Variants in MACROD2 observed in about 807,000 individuals in gnomAD.
The protein encoded by MACROD2 is ADP-ribose glycohydrolase MACROD2.
A neutral mutation model predicts 70.4 loss-of-function variants in MACROD2; 36 were observed. The observed-to-expected ratio is 0.51, with a 90% CI of 0.39 to 0.68. MACROD2 has a LOEUF of 0.68. MACROD2 is among the 30% of genes least tolerant of loss of function. The pLI, the probability that MACROD2 is intolerant of heterozygous loss-of-function variation, is 0.00. For synonymous variants in MACROD2, 172 were observed against 178.8 expected (o/e 0.96, Z 0.30); for missense variants, 496 against 538.4 (o/e 0.92, Z 0.78).
chr20:15,333,209 T>G (rs912584779), intron 6 of MACROD2, among the ~76,000 whole-genome samples: 1 of 151,556 alleles, frequency 6.6e-6, no homozygotes, highest in Non-Finnish European at 1.5e-5. Context: ...CCAAGCCCAG[T>G]GCATGAGAAA....
chr20:14,890,779 T>TG (rs1338686343), intron 5 of MACROD2, among the ~76,000 whole-genome samples: 2 of 27,274 alleles, frequency 7.3e-5, no homozygotes, highest in East Asian at 0.011. Flanking sequence ...ATAATAAAAA[T>TG]TAAAAAAAAA....
intron 6 of MACROD2, among the ~76,000 whole-genome samples, chr20:15,405,695 C>G (rs945379878): frequency 6.6e-6 from 1 of 152,194 alleles, no homozygotes; most frequent in Non-Finnish European, 1.5e-5. Context: ...CAGATTTTAG[C>G]TCACGTGCCA....
At chr20:15,105,744 G>C (rs1411270903) in intron 5 of MACROD2, among the ~76,000 whole-genome samples, 1 of 152,080 alleles carries the variant, frequency 6.6e-6, no homozygotes, top group Non-Finnish European at 1.5e-5. Context: ...GCAGAAAGGG[G>C]TTGCCTACCC....
At chr20:15,910,346 G>A (rs867767358) in intron 10 of MACROD2, among the ~76,000 whole-genome samples, 1 of 152,124 alleles carries the variant, frequency 6.6e-6, no homozygotes, top group African/African-American at 2.4e-5. Context: ...TGTGTCATCA[G>A]AGAAGTAATG....
chr20:15,100,967 G>GA (rs1163487263), intron 5 of MACROD2, among the ~76,000 whole-genome samples: 8 of 151,910 alleles, frequency 5.3e-5, no homozygotes, highest in Admixed American at 2.0e-4. Context: ...AGGTGAACAG[G>GA]AAAAAAAGTA....
chr20:15,583,924 C>A (rs780668189), intron 8 of MACROD2, among the ~76,000 whole-genome samples: 13 of 152,258 alleles, frequency 8.5e-5, no homozygotes, highest in South Asian at 2.1e-4. Context: ...CAGGCGTAAG[C>A]CACAACACCC....
intron 5 of MACROD2, among the ~76,000 whole-genome samples, chr20:15,125,707 A>G (rs765935059): frequency 3.9e-5 from 6 of 152,114 alleles, no homozygotes; most frequent in Non-Finnish European, 7.4e-5. Flanking sequence ...TAATTTACAT[A>G]TAGTAATACT....
intron 5 of MACROD2, among the ~76,000 whole-genome samples, chr20:15,144,533 T>C (rs778918931): frequency 3.9e-5 from 6 of 152,304 alleles, no homozygotes; most frequent in Middle Eastern, 3.4e-3. Context: ...GTTGAACTGA[T>C]TAAGTTTCTC....
At chr20:14,928,845 C>A (rs1285163164) in intron 5 of MACROD2, among the ~76,000 whole-genome samples, 1 of 152,148 alleles carries the variant, frequency 6.6e-6, no homozygotes, top group East Asian at 1.9e-4. Flanking sequence ...ATAAATGACA[C>A]CAACATTATT....
chr20:15,728,682 G>A (rs2050899733), intron 8 of MACROD2, among the ~76,000 whole-genome samples: 1 of 152,118 alleles, frequency 6.6e-6, no homozygotes, highest in South Asian at 2.1e-4. Context: ...TACTTTGTGT[G>A]CATAGAGGTG....
intron 6 of MACROD2, among the ~76,000 whole-genome samples, chr20:15,417,752 T>C (rs990446167): frequency 2.6e-5 from 4 of 151,986 alleles, no homozygotes; most frequent in Non-Finnish European, 5.9e-5. Context: ...AACTGGTAGT[T>C]AGGCCCTCCA....
intron 3 of MACROD2, among the ~76,000 whole-genome samples, chr20:14,142,910 T>C (rs2054896118): frequency 6.6e-6 from 1 of 152,184 alleles, no homozygotes; most frequent in Non-Finnish European, 1.5e-5. Flanking sequence ...GTAGTAAGAA[T>C]TATGAAAAGA....
At chr20:15,469,490 G>A (rs554726479) in intron 7 of MACROD2, among the ~76,000 whole-genome samples, 17 of 152,178 alleles carry the variant, frequency 1.1e-4, no homozygotes, top group Non-Finnish European at 2.5e-4. Context: ...CCACAAAGAT[G>A]ATGGAGCTTA....
In MACROD2 at chr20:14,990,429, T is replaced by C. The variant is rs142113368; in HGVS notation, c.419-239511T>C. 6.5e-3 allele frequency among the ~76,000 whole-genome samples: 991 copies of C among 152,012 alleles called. 3 individuals are homozygous for C. Among genetic ancestry groups the C allele is most frequent in the Middle Eastern group, 0.017 (5 of 292 alleles). ...TCAACTCCACCAGGACCTGAGGTCT[T>C]TGCTTAAATAACCCCACATAAGGCC... is the stretch of plus-strand genomic sequence containing the variant. On this transcript the variant is annotated intron_variant, in intron 5 of 17. Coordinates refer to ENST00000684519, the MANE Select transcript of MACROD2 (RefSeq NM_001351661.2).
intron 5 of MACROD2, among the ~76,000 whole-genome samples, chr20:14,763,840 A>G (rs897978689): frequency 3.3e-5 from 5 of 152,082 alleles, no homozygotes; most frequent in African/African-American, 7.3e-5. Flanking sequence ...CTTGGGGGAA[A>G]GATCACAATA....
intron 8 of MACROD2, among the ~76,000 whole-genome samples, chr20:15,791,262 T>C (rs1403880469): frequency 6.6e-6 from 1 of 152,004 alleles, no homozygotes; most frequent in Non-Finnish European, 1.5e-5. Flanking sequence ...TTTGGAATAT[T>C]TTAAATGGTC....
intron 15 of MACROD2, among the ~76,000 whole-genome samples, chr20:16,001,428 T>C (rs1186701929): frequency 6.6e-6 from 1 of 152,244 alleles, no homozygotes; most frequent in African/African-American, 2.4e-5. Flanking sequence ...GGATTGATTG[T>C]ATGTGATTGC....
chr20:15,042,586 G>A (rs889375763), intron 5 of MACROD2, among the ~76,000 whole-genome samples: 12 of 152,158 alleles, frequency 7.9e-5, no homozygotes, highest in East Asian at 1.9e-4. Context: ...GGCCACTGCC[G>A]GGACAGAGCC....
At chr20:14,096,389 CAG>C in intron 3 of MACROD2, among the ~76,000 whole-genome samples, 1 of 109,264 alleles carries the variant, frequency 9.2e-6, no homozygotes, top group Admixed American at 1.2e-4. Context: ...TTTTTTGAGA[CAG>C]AGTCTTGCTC....
Sources: gnomAD v4.1 joint callset for allele counts (sites outside exome capture counted in the v4.1 genomes callset) on GRCh38, gnomAD v4.1.1 for gene constraint, MANE v1.5 for transcripts, NCBI Gene and HGNC (gene_info 2026-07-23, HGNC 2026-07-21) for gene names.